The following PDILT variants were observed in gnomAD, a reference collection of about 807,000 sequenced individuals.
PDILT encodes protein disulfide isomerase like, testis expressed.
PDILT carries 43 observed loss-of-function variants against 53.7 expected under a neutral mutation model. The ratio of observed to expected loss-of-function variants is 0.80; its 90% confidence interval spans 0.63 to 1.03. The LOEUF is 1.03. Among genes scored for constraint, PDILT ranks in the 50% least tolerant of loss-of-function variants. The pLI is 0.00. For synonymous variants in PDILT, 282 were observed against 274.2 expected (o/e 1.03, Z -0.28); for missense variants, 727 against 712.3 (o/e 1.02, Z -0.24).
intron 9 of PDILT, among the ~76,000 whole-genome samples, chr16:20,364,489 G>A (rs964477398): frequency 5.3e-5 from 8 of 152,224 alleles, no homozygotes; most frequent in Non-Finnish European, 1.0e-4. Context: ...TCCCTGATCT[G>A]TGACATGGGG....
At chr16:20,395,081 G>A (rs764180858) in intron 2 of PDILT, among the ~76,000 whole-genome samples, 23 of 152,088 alleles carry the variant, frequency 1.5e-4, no homozygotes, top group African/African-American at 5.1e-4. Flanking sequence ...CATTGATCTC[G>A]TATTAATTGA....
intron 9 of PDILT, among the ~76,000 whole-genome samples, chr16:20,363,121 CA>C (rs1244620530): frequency 7.8e-6 from 1 of 128,880 alleles, no homozygotes; most frequent in Non-Finnish European, 1.8e-5. Flanking sequence ...AAAAAGAAAA[CA>C]AAAAGAAAAA....
At chr16:20,392,283 C>A (rs1409078951) in intron 2 of PDILT, among the ~76,000 whole-genome samples, 1 of 152,128 alleles carries the variant, frequency 6.6e-6, no homozygotes, top group African/African-American at 2.4e-5. Flanking sequence ...TAAGGAGCAG[C>A]AGATTGTTGG....
At chr16:20,402,685 T>C (rs1966759054) in intron 1 of PDILT, among the ~76,000 whole-genome samples, 3 of 152,240 alleles carry the variant, frequency 2.0e-5, no homozygotes, top group African/African-American at 7.2e-5. Context: ...ACTACTGTAT[T>C]TGCATTTCTG....
chr16:20,371,698 G>A (rs1312862960), intron 7 of PDILT, among the ~76,000 whole-genome samples: 2 of 151,968 alleles, frequency 1.3e-5, no homozygotes, highest in African/African-American at 4.8e-5. Flanking sequence ...ATAAATACCA[G>A]GGAGATTGAA....
At chr16:20,367,296 G>A (rs2141706431) in intron 8 of PDILT, among the ~76,000 whole-genome samples, 1 of 152,068 alleles carries the variant, frequency 6.6e-6, no homozygotes, top group Admixed American at 6.6e-5. Flanking sequence ...TAGAGACGGG[G>A]TTTTACCATG....
In PDILT at chr16:20,369,656, T is replaced by C. The variant is rs1279025704; in HGVS notation, c.952A>G (p.Arg318Gly). ...AAGTACTTGAAGACACGTCCATTTC[T>C]GGGTTCGTCTGCATCCACAAGGATG... The part of the protein sequence containing the change: ...LFILVDADEP[R>G]NGRVFKYFRV... The change falls in exon 8 of 12, where the codon AGA (arginine) becomes GGA (glycine). Residue 318 changes from arginine (R) to glycine (G), a missense_variant. Physicochemically the swap from Arg to Gly is moderately radical, Grantham distance 125 (BLOSUM62 -2). Coordinates refer to ENST00000302451, the MANE Select transcript of PDILT (RefSeq NM_174924.2). The C allele has an allele frequency of 2.5e-6, 4 of 1,614,084 alleles. No individual in the cohort carries two copies. The highest frequency in any genetic ancestry group is 3.4e-6 in the Non-Finnish European group (4 of 1,180,048).
intron 10 of PDILT, 142 bp downstream of exon 10, chr16:20,362,262 T>G (rs1966115313): frequency 4.6e-6 from 4 of 868,778 alleles, no homozygotes; most frequent in Non-Finnish European, 5.2e-6. Flanking sequence ...ATCTTTGAAC[T>G]TGAATGTGAG....
intron 1 of PDILT, among the ~76,000 whole-genome samples, chr16:20,401,780 C>T (rs886669523): frequency 1.3e-5 from 2 of 152,232 alleles, no homozygotes; most frequent in Admixed American, 1.3e-4. Flanking sequence ...GAGCAAAAGC[C>T]AGGCGGGAGG....
At chr16:20,385,027 T>C (rs919908046) in intron 2 of PDILT, among the ~76,000 whole-genome samples, 176 bp from the exon 3 acceptor site, 1 of 152,196 alleles carries the variant, frequency 6.6e-6, no homozygotes, top group Non-Finnish European at 1.5e-5. Flanking sequence ...AATTAGACAA[T>C]CTGGGAGATG....
At chr16:20,373,154 A>G in intron 5 of PDILT, 32 bp from the exon 6 acceptor site, 1 of 1,560,196 alleles carries the variant, frequency 6.4e-7, no homozygotes, top group Non-Finnish European at 8.8e-7. Context: ...ATTGGAGGAC[A>G]GTAGCTTTCA....
At chr16:20,367,553 G>A (rs1321182327) in intron 8 of PDILT, among the ~76,000 whole-genome samples, 1 of 152,158 alleles carries the variant, frequency 6.6e-6, no homozygotes, top group African/African-American at 2.4e-5. Context: ...AGCATAAGAA[G>A]ACATGTTGGC....
At chr16:20,374,677 C>G (rs1966357028) in intron 5 of PDILT, 145 bp downstream of exon 5, 2 of 891,102 alleles carry the variant, frequency 2.2e-6, no homozygotes, top group East Asian at 5.1e-5. Context: ...TGGAGCAACA[C>G]TGGGAGACTG....
intron 2 of PDILT, among the ~76,000 whole-genome samples, chr16:20,393,437 G>A (rs776906273): frequency 1.3e-5 from 2 of 152,180 alleles, no homozygotes; most frequent in South Asian, 2.1e-4. Context: ...CAAGCAACAC[G>A]CATGTTCAAT....
At chr16:20,395,542 A>T (rs1272830416) in intron 2 of PDILT, among the ~76,000 whole-genome samples, 1 of 152,220 alleles carries the variant, frequency 6.6e-6, no homozygotes, top group Non-Finnish European at 1.5e-5. Context: ...TATGTCAGGC[A>T]TTGACTTCCT....
At chr16:20,373,703 A>G (rs1387618010) in intron 5 of PDILT, among the ~76,000 whole-genome samples, 1 of 152,208 alleles carries the variant, frequency 6.6e-6, no homozygotes, top group Non-Finnish European at 1.5e-5. Flanking sequence ...CTGTTCAATC[A>G]TTGTTAAAAT....
At chr16:20,360,053 A>G (rs897772862) in intron 11 of PDILT, among the ~76,000 whole-genome samples, 7 of 152,244 alleles carry the variant, frequency 4.6e-5, no homozygotes, top group Admixed American at 3.9e-4. Flanking sequence ...GAAGACAGAA[A>G]GCAAGTCTGG....
chr16:20,364,907 G>A (rs187815999), intron 9 of PDILT, among the ~76,000 whole-genome samples: 2 of 152,284 alleles, frequency 1.3e-5, no homozygotes, highest in East Asian at 3.9e-4. Context: ...AAGAAATCCT[G>A]TACAGCAGTT....
At chr16:20,390,652 C>T (rs993182456) in intron 2 of PDILT, 2 of 152,210 alleles carry the variant, frequency 1.3e-5, no homozygotes, top group Non-Finnish European at 2.9e-5. Context: ...GTTTTGTTCA[C>T]CACTATATCC....
Sources: allele counts gnomAD v4.1 joint callset (sites outside exome capture counted in the v4.1 genomes callset), GRCh38; gene constraint gnomAD v4.1.1; transcripts MANE v1.5; gene names NCBI Gene and HGNC (gene_info 2026-07-23, HGNC 2026-07-21).